The following CACNA1E variants were observed in gnomAD, a reference collection of about 807,000 sequenced individuals.
The protein encoded by CACNA1E is voltage-dependent R-type calcium channel subunit alpha-1E.
A neutral mutation model predicts 259.2 loss-of-function variants in CACNA1E; 40 were observed. The ratio of observed to expected loss-of-function variants is 0.15; its 90% CI spans 0.12 to 0.20. CACNA1E has a LOEUF of 0.20. Among genes scored for constraint, CACNA1E ranks in the 10% least tolerant of loss-of-function variants. The pLI is 1.00. For missense variants in CACNA1E, 1,874 were observed against 3,040.1 expected, an observed-to-expected ratio of 0.62 and a Z score of 9.02; for synonymous variants, 1,104 against 1,138.5, an observed-to-expected ratio of 0.97 and a Z score of 0.61.
At chr1:181,369,888 T>C (rs940699538) in intron 1 of CACNA1E, among the ~76,000 whole-genome samples, 1 of 152,182 alleles carries the variant, frequency 6.6e-6, no homozygotes, top group Admixed American at 6.5e-5. Flanking sequence ...AGGTACAGAT[T>C]ATTTTGTCAT....
At chr1:181,702,942 T>G (rs1010283863) in intron 7 of CACNA1E, among the ~76,000 whole-genome samples, 3 of 152,238 alleles carry the variant, frequency 2.0e-5, no homozygotes, top group Non-Finnish European at 4.4e-5. Flanking sequence ...TGCAGTATAA[T>G]GTAAGCTCTG....
intron 7 of CACNA1E, among the ~76,000 whole-genome samples, chr1:181,670,416 G>A (rs7537245): frequency 2.0e-5 from 3 of 152,126 alleles, no homozygotes; most frequent in South Asian, 2.1e-4. Context: ...CTTAATTATC[G>A]TTGTGTCCCA....
At chr1:181,795,068 C>T (rs369824925) in intron 46 of CACNA1E, 24 bp downstream of exon 46, 13 of 1,602,416 alleles carry the variant, frequency 8.1e-6, no homozygotes, top group Non-Finnish European at 1.0e-5. Flanking sequence ...CAGTGTCCAG[C>T]TCTTTCATCA....
chr1:181,722,536 C>T (rs967664447), intron 16 of CACNA1E, among the ~76,000 whole-genome samples: 4 of 152,230 alleles, frequency 2.6e-5, no homozygotes, highest in Admixed American at 6.5e-5. Context: ...CTCTGTGTAT[C>T]AGCTGTGTGG....
intron 1 of CACNA1E, among the ~76,000 whole-genome samples, chr1:181,496,604 A>G (rs2102539589): frequency 6.6e-6 from 1 of 152,122 alleles, no homozygotes; most frequent in Middle Eastern, 3.4e-3. Context: ...CTGTGGGGGG[A>G]AGGGGAAACC....
intron 34 of CACNA1E, among the ~76,000 whole-genome samples, chr1:181,765,757 A>G (rs1286587660): frequency 6.6e-6 from 1 of 152,214 alleles, no homozygotes; most frequent in Non-Finnish European, 1.5e-5. Context: ...GATCAACGCA[A>G]AATTACAGTG....
At chr1:181,592,571 A>G (rs1652767655) in intron 6 of CACNA1E, among the ~76,000 whole-genome samples, 1 of 152,058 alleles carries the variant, frequency 6.6e-6, no homozygotes, top group Non-Finnish European at 1.5e-5. Flanking sequence ...GTTTGCGTGT[A>G]ATTAGCAGTT....
chr1:181,379,306 A>G (rs1655305730), intron 1 of CACNA1E, among the ~76,000 whole-genome samples: 1 of 152,220 alleles, frequency 6.6e-6, no homozygotes, highest in South Asian at 2.1e-4. Context: ...TGAAGAAACA[A>G]TGGCTGAAAA....
At chr1:181,575,718 C>T (rs964120681) in intron 3 of CACNA1E, among the ~76,000 whole-genome samples, 1 of 152,140 alleles carries the variant, frequency 6.6e-6, no homozygotes, top group African/African-American at 2.4e-5. Flanking sequence ...AGTCTAATTT[C>T]TAACTCATAT....
chr1:181,511,376 G>A lies in CACNA1E; in HGVS notation c.378G>A (p.Lys126=). 2 of 1,613,980 alleles carry A rather than the reference G, an allele frequency of 1.2e-6. No homozygotes were observed. Among genetic ancestry groups the A allele is most frequent in the Non-Finnish European group, 1.7e-6 (2 of 1,179,890 alleles). The change falls in exon 3 of 48, where the codon AAG becomes AAA. Residue 126 remains lysine (K), a synonymous_variant. Coordinates refer to ENST00000367573, the MANE Select transcript of CACNA1E (RefSeq NM_001205293.3). ...TCTGCTCCTCATCCCCACAGGAGAA[G>A]ACAGAACCTTATTTCATTGGGATCT... ...DKTPMSRRLE[K]TEPYFIGIFC...
chr1:181,347,570 G>A (rs193184982), intron 1 of CACNA1E, among the ~76,000 whole-genome samples: 2 of 152,122 alleles, frequency 1.3e-5, no homozygotes, highest in South Asian at 2.1e-4. Flanking sequence ...CTCTGGGATC[G>A]CCCATTCGAA....
intron 12 of CACNA1E, 112 bp from the exon 13 acceptor site, chr1:181,719,639 G>A: frequency 1.8e-6 from 1 of 559,708 alleles, no homozygotes; most frequent in Admixed American, 3.2e-5. Context: ...GGAGAGGAGA[G>A]TTTTTATTTC....
At chr1:181,545,709 A>G (rs1647376100) in intron 3 of CACNA1E, among the ~76,000 whole-genome samples, 1 of 152,130 alleles carries the variant, frequency 6.6e-6, no homozygotes, top group Non-Finnish European at 1.5e-5. Context: ...CTGTTCAGGG[A>G]GTTTGGGTGA....
chr1:181,738,772 C>T (rs1296592799), intron 24 of CACNA1E, among the ~76,000 whole-genome samples: 1 of 152,216 alleles, frequency 6.6e-6, no homozygotes, highest in Non-Finnish European at 1.5e-5. Context: ...ATGAGTCTTC[C>T]TGGGCTTCAT....
chr1:181,378,271 A>C (rs1655236144), intron 1 of CACNA1E, among the ~76,000 whole-genome samples: 1 of 152,256 alleles, frequency 6.6e-6, no homozygotes, highest in Non-Finnish European at 1.5e-5. Context: ...AATAACCAAA[A>C]ATCACACATG....
chr1:181,588,201 G>T (rs962489528), intron 6 of CACNA1E, among the ~76,000 whole-genome samples: 9 of 152,198 alleles, frequency 5.9e-5, no homozygotes, highest in Non-Finnish European at 8.8e-5. Context: ...AACATTTGGG[G>T]ACTGAAACCC....
intron 27 of CACNA1E, among the ~76,000 whole-genome samples, chr1:181,753,535 T>C (rs1042071660): frequency 1.3e-5 from 2 of 152,198 alleles, no homozygotes; most frequent in African/African-American, 4.8e-5. Context: ...CATACATCTG[T>C]GGTGTGGAGA....
At chr1:181,737,433 T>G in intron 22 of CACNA1E, 92 bp from the exon 23 acceptor site, 9 of 1,464,346 alleles carry the variant, frequency 6.1e-6, no homozygotes, top group Non-Finnish European at 8.4e-6. Flanking sequence ...CCTGGCTGTC[T>G]GGAAGGGGCC....
Position 181,736,340 on chromosome 1 carries a change from G to A in CACNA1E, c.3328G>A (p.Glu1110Lys). ...KEAEIREDEE[E>K]VEKKKQKKEK... ...GGCAGAGATCAGAGAGGATGAGGAG[G>A]AGGTGGAGAAGAAGAAGCAGAAGAA... is the stretch of plus-strand genomic sequence containing the variant. The change falls in exon 22 of 48, where the codon GAG (glutamate) becomes AAG (lysine). Residue 1110 changes from glutamate to lysine, a missense_variant. Glu to Lys is a moderately conservative substitution (Grantham distance 56, BLOSUM62 1). Around this residue, in one of 14 missense-constraint regions of CACNA1E, gnomAD observed 476 missense variants for 514.0 expected, o/e 0.93. Coordinates refer to ENST00000367573, the MANE Select transcript of CACNA1E (RefSeq NM_001205293.3). 1 of 1,608,656 alleles carries A rather than the reference G, an allele frequency of 6.2e-7. No individual in the cohort carries two copies.
Sources: allele counts gnomAD v4.1 joint callset (sites outside exome capture counted in the v4.1 genomes callset), GRCh38; gene constraint gnomAD v4.1.1; regional missense constraint gnomAD v4.1.1; transcripts MANE v1.5; gene names NCBI Gene and HGNC (gene_info 2026-07-23, HGNC 2026-07-21).